Variants in CDH7 observed in about 807,000 individuals in gnomAD.
CDH7 encodes cadherin 7, also known as cadherin-7.
A neutral mutation model predicts 71.8 loss-of-function variants in CDH7; 25 were observed. The observed-to-expected ratio is 0.35, with a 90% CI of 0.25 to 0.49. The LOEUF (loss-of-function observed/expected upper bound fraction) is 0.49, where lower values mean the gene tolerates loss of function less well. CDH7 is among the 20% of genes least tolerant of loss of function. The pLI is 0.99. For missense variants in CDH7, 862 were observed against 974.6 expected (o/e 0.88, Z 1.54); for synonymous variants, 381 against 363.8 (o/e 1.05, Z -0.54).
chr18:65,794,674 A>T (rs1418961380), intron 2 of CDH7, among the ~76,000 whole-genome samples: 1 of 151,942 alleles, frequency 6.6e-6, no homozygotes, highest in Non-Finnish European at 1.5e-5. Context: ...GTGTGGGGAA[A>T]TGAAAGAATC....
chr18:65,772,004 G>GTTGTGTGTGTAAACAGTGCAGAATTATC (rs1187972312), intron 2 of CDH7, among the ~76,000 whole-genome samples: 13 of 152,272 alleles, frequency 8.5e-5, no homozygotes, highest in African/African-American at 3.1e-4. Context: ...ATTCTAGCAA[G>GTTGTGTGTGTAAACAGTGCAGAATTATC]TTGTGTGTGT....
intron 9 of CDH7, among the ~76,000 whole-genome samples, chr18:65,859,443 A>G (rs925488086): frequency 6.6e-6 from 1 of 152,178 alleles, no homozygotes; most frequent in Non-Finnish European, 1.5e-5. Flanking sequence ...GTGTCTTGTG[A>G]TGTTTCCTGG....
intron 11 of CDH7, among the ~76,000 whole-genome samples, chr18:65,879,843 A>G (rs547792800): frequency 1.1e-3 from 168 of 152,236 alleles, no homozygotes; most frequent in Middle Eastern, 3.4e-3. Context: ...TGAAAGTGGG[A>G]CTCAATTTAT....
rs192268154 is a variant in CDH7, at chr18:65,818,811, A to G, written c.626-3270A>G. 2.0e-5 allele frequency among the ~76,000 whole-genome samples: 3 copies of G among 152,276 alleles called. No homozygotes were observed. The East Asian group carries it at 5.8e-4, about 29-fold the overall frequency. On this transcript the variant is annotated intron_variant, in intron 4 of 11. Transcript: ENST00000397968. ...TCTTTAAAACAAAAGCAAAGCCAAC[A>G]GCCAAACTACATGTATTTTAAATGA...
intron 11 of CDH7, among the ~76,000 whole-genome samples, chr18:65,867,094 G>A (rs1913786996): frequency 6.8e-6 from 1 of 147,478 alleles, no homozygotes; most frequent in Admixed American, 6.9e-5. Flanking sequence ...GGAGTGCAGT[G>A]GTGCAATCTC....
intron 4 of CDH7, among the ~76,000 whole-genome samples, chr18:65,819,372 G>A (rs962690474): frequency 9.9e-5 from 15 of 152,088 alleles, no homozygotes; most frequent in Admixed American, 2.0e-4. Context: ...CACAAAGAGC[G>A]GTACCATTTA....
In CDH7 at chr18:65,883,278, G is replaced by C. The variant is rs1914283194; in HGVS notation, c.*2384G>C. 1 of 151,842 alleles carries C rather than the reference G, an allele frequency of 6.6e-6. No homozygotes were observed. Among genetic ancestry groups the C allele is most frequent in the South Asian group, 2.1e-4 (1 of 4,818 alleles). 9.4% of individuals were successfully genotyped at this position (151,842 alleles called of 1,614,324 possible). A position where few individuals can be genotyped will look rare whatever the true frequency, so the allele number is the denominator to read the frequency against. ...TAATTTTTGAGATGGCTGGAAGAAT[G>C]TTCCTAATATAGGTAGTATTTATAT... On this transcript the variant is annotated 3_prime_UTR_variant, in exon 12 of 12. Coordinates refer to ENST00000397968, the MANE Select transcript of CDH7 (RefSeq NM_004361.5).
intron 2 of CDH7, among the ~76,000 whole-genome samples, chr18:65,809,467 TATAAA>T (rs1370970145): frequency 6.6e-6 from 1 of 152,168 alleles, no homozygotes; most frequent in East Asian, 1.9e-4. Flanking sequence ...TTGGGACTGA[TATAAA>T]ATACCTTTGG....
At chr18:65,820,449 TGACAA>T (rs1307718682) in intron 4 of CDH7, among the ~76,000 whole-genome samples, 1 of 151,846 alleles carries the variant, frequency 6.6e-6, no homozygotes, top group African/African-American at 2.4e-5. Context: ...ATATAATACA[TGACAA>T]AACACAAATG....
chr18:65,799,406 G>A (rs546683705), intron 2 of CDH7, among the ~76,000 whole-genome samples: 3 of 152,134 alleles, frequency 2.0e-5, no homozygotes, highest in South Asian at 2.1e-4. Flanking sequence ...GGCCGGGTGC[G>A]GTGGCTCAAG....
chr18:65,781,537 A>T (rs1183005103), intron 2 of CDH7, among the ~76,000 whole-genome samples: 1 of 152,198 alleles, frequency 6.6e-6, no homozygotes, highest in Non-Finnish European at 1.5e-5. Context: ...GAATTATTTC[A>T]CATTTTAGAC....
At chr18:65,812,665 G>A (rs1911585131) in intron 3 of CDH7, among the ~76,000 whole-genome samples, 2 of 152,100 alleles carry the variant, frequency 1.3e-5, no homozygotes, top group East Asian at 3.9e-4. Context: ...GACAGGTGTG[G>A]AAAGCTTAAA....
At chr18:65,815,101 AT>A (rs142484634) in intron 4 of CDH7, among the ~76,000 whole-genome samples, 2,442 of 152,198 alleles carry the variant, frequency 0.016, 54 homozygotes, top group African/African-American at 0.055. Context: ...AAATATATAT[AT>A]TTTTTTAATT....
chr18:65,844,174 G>GATATATCTATATATATATAT (rs1912849704), intron 7 of CDH7, 109 bp downstream of exon 7: 1 of 222,152 alleles, frequency 4.5e-6, no homozygotes, highest in African/African-American at 3.1e-5. Context: ...ATAAAAACCA[G>GATATATCTATATATATATAT]ATATATATAT....
At chr18:65,810,707 C>T (rs1250360091) in intron 3 of CDH7, among the ~76,000 whole-genome samples, 1 of 152,150 alleles carries the variant, frequency 6.6e-6, no homozygotes, top group Non-Finnish European at 1.5e-5. Flanking sequence ...TCCTCCTACC[C>T]CCAACCCTCC....
At chr18:65,770,635 A>C (rs943665592) in intron 2 of CDH7, among the ~76,000 whole-genome samples, 2 of 152,186 alleles carry the variant, frequency 1.3e-5, no homozygotes, top group Non-Finnish European at 2.9e-5. Context: ...TGAATTAGAA[A>C]GGTGATGTTC....
chr18:65,773,497 G>A (rs1379947771), intron 2 of CDH7, among the ~76,000 whole-genome samples: 4 of 152,012 alleles, frequency 2.6e-5, no homozygotes, highest in African/African-American at 9.7e-5. Flanking sequence ...GTGGAAGCAG[G>A]AATTGTCTTG....
At chr18:65,773,379 A>T (rs1335201850) in intron 2 of CDH7, among the ~76,000 whole-genome samples, 4 of 152,168 alleles carry the variant, frequency 2.6e-5, no homozygotes, top group Non-Finnish European at 5.9e-5. Flanking sequence ...GTATTTTAAT[A>T]TTAGAGTGTC....
At chr18:65,865,222 A>G (rs1360363978) in intron 11 of CDH7, 1 of 152,154 alleles carries the variant, frequency 6.6e-6, no homozygotes, top group East Asian at 1.9e-4. Flanking sequence ...TTATCAGCTA[A>G]TTATTACTGA....
Sources: allele counts gnomAD v4.1 joint callset (sites outside exome capture counted in the v4.1 genomes callset), GRCh38; gene constraint gnomAD v4.1.1; transcripts MANE v1.5; gene names NCBI Gene and HGNC (gene_info 2026-07-23, HGNC 2026-07-21).